The following RTTN variants were observed in gnomAD, a reference collection of about 807,000 sequenced individuals.
The protein encoded by RTTN is rotatin.
Under a neutral mutation model 269.2 loss-of-function variants are expected in RTTN, and 182 were observed. That is an observed-to-expected ratio of 0.68 (90% CI 0.60 to 0.76). RTTN has a LOEUF of 0.76. Ranked by LOEUF, RTTN falls within the 30% of genes least tolerant of loss-of-function variation. RTTN has a pLI of 0.00. For missense variants in RTTN, 2,545 were observed against 2,608.6 expected, an observed-to-expected ratio of 0.98 and a Z score of 0.53; for synonymous variants, 1,006 against 963.5, an observed-to-expected ratio of 1.04 and a Z score of -0.82.
intron 40 of RTTN, among the ~76,000 whole-genome samples, chr18:70,034,075 C>T (rs976882624): frequency 1.3e-5 from 2 of 152,068 alleles, no homozygotes; most frequent in African/African-American, 2.4e-5. Flanking sequence ...ATAGCCTGCA[C>T]ACCATAAAAG....
intron 46 of RTTN, 49 bp from the exon 47 acceptor site, chr18:70,006,533 T>G: frequency 2.9e-6 from 4 of 1,371,078 alleles, no homozygotes; most frequent in Non-Finnish European, 4.2e-6. Flanking sequence ...GACACTGCAT[T>G]GTATTCTTAT....
intron 34 of RTTN, among the ~76,000 whole-genome samples, chr18:70,067,777 C>G (rs117016973): frequency 0.012 from 1,889 of 152,270 alleles, 23 homozygotes; most frequent in South Asian, 0.039. Context: ...TTTGCGGTTT[C>G]AACGATCGGT....
intron 3 of RTTN, among the ~76,000 whole-genome samples, chr18:70,202,523 T>C (rs1160648887): frequency 6.6e-6 from 1 of 152,216 alleles, no homozygotes; most frequent in Non-Finnish European, 1.5e-5. Flanking sequence ...TTCCTAACAC[T>C]AATAAAGAAA....
At chr18:70,056,995 AT>A (rs539967500) in intron 37 of RTTN, among the ~76,000 whole-genome samples, 80 of 152,358 alleles carry the variant, frequency 5.3e-4, no homozygotes, top group African/African-American at 1.8e-3. Context: ...GGAGACAGTC[AT>A]TATGCAATAG....
chr18:70,131,542 T>C (rs985058154), intron 23 of RTTN: 2 of 151,696 alleles, frequency 1.3e-5, no homozygotes, highest in Non-Finnish European at 2.9e-5. Context: ...AGAAATAATG[T>C]ATATAGAAGA....
At chr18:70,171,430 AAATATT>A (rs1168341283) in intron 11 of RTTN, among the ~76,000 whole-genome samples, 13 of 152,212 alleles carry the variant, frequency 8.5e-5, no homozygotes, top group African/African-American at 3.1e-4. Context: ...AGCACTCAAT[AAATATT>A]AATTTCCTTT....
chr18:70,168,390 T>C (rs1392027919), intron 12 of RTTN, among the ~76,000 whole-genome samples: 2 of 152,198 alleles, frequency 1.3e-5, no homozygotes, highest in Non-Finnish European at 2.9e-5. Context: ...TAATACATTA[T>C]AAACAATGTA....
chr18:70,126,171 A>G (rs934956759), intron 25 of RTTN, among the ~76,000 whole-genome samples: 6 of 152,086 alleles, frequency 3.9e-5, no homozygotes, highest in African/African-American at 1.4e-4. Flanking sequence ...AATACTCTAA[A>G]GGCTTCCACT....
In RTTN at chr18:70,004,147, G is replaced by A. The variant is rs1322240444; in HGVS notation, c.*4C>T. 1 of 1,607,412 alleles carries A rather than the reference G, an allele frequency of 6.2e-7. No homozygotes were observed. Among genetic ancestry groups the A allele is most frequent in the Admixed American group, 1.7e-5 (1 of 59,996 alleles). ...CAGCTTCAAGGTGTAGCATCCCATGGCACTCAGGAAGAATTAAGGAGCTGC... is the reference window on the plus strand; with the variant it reads ...CAGCTTCAAGGTGTAGCATCCCATGACACTCAGGAAGAATTAAGGAGCTGC... On this transcript the variant is annotated 3_prime_UTR_variant, in exon 49 of 49. Coordinates refer to ENST00000640769, the MANE Select transcript of RTTN (RefSeq NM_173630.4).
In RTTN at chr18:70,205,148, G is replaced by A; in HGVS notation, c.199C>T (p.Leu67=). 6.2e-7 allele frequency: 1 copy of A among 1,614,166 alleles called. No homozygotes were observed. Among genetic ancestry groups the A allele is most frequent in the African/African-American group, 1.3e-5 (1 of 75,028 alleles). Residue 67 remains leucine, a synonymous_variant, in exon 2 of 49, where the codon CTG becomes TTG. Transcript: ENST00000640769. ...SVPMKEEVLN[L]LSRLVKYPPA... is the part of the protein sequence containing the mutation. The stretch of plus-strand genomic sequence containing the variant: ...CCTACCTTAACCAATCTGCTTAACA[G>A]GTTCAGAACCTCTTCCTTCATCGGA...
chr18:70,205,565 C>T (rs1012576778), intron 1 of RTTN, 63 bp downstream of exon 1: 2 of 1,604,122 alleles, frequency 1.2e-6, no homozygotes, highest in Non-Finnish European at 1.7e-6. Context: ...CGTGACACGA[C>T]CATTCTCAGC....
intron 19 of RTTN, among the ~76,000 whole-genome samples, chr18:70,141,512 C>T (rs562464997): frequency 6.6e-6 from 1 of 152,242 alleles, no homozygotes; most frequent in East Asian, 1.9e-4. Flanking sequence ...TCTCAGCAAA[C>T]TATCACAAAG....
chr18:70,054,306 T>G (rs2057756199), intron 37 of RTTN, 22 bp from the exon 38 acceptor site: 3 of 1,587,338 alleles, frequency 1.9e-6, no homozygotes, highest in African/African-American at 1.4e-5. Context: ...GGAGACAGGG[T>G]CAAATCAAAC....
intron 23 of RTTN, 50 bp from the exon 24 acceptor site, chr18:70,128,596 T>A (rs1337365214): frequency 1.3e-6 from 2 of 1,520,390 alleles, no homozygotes; most frequent in South Asian, 1.2e-5. Flanking sequence ...TCTTAAATGC[T>A]ACTCAAAAAG....
chr18:70,167,929 T>C (rs766286942), intron 12 of RTTN, among the ~76,000 whole-genome samples: 1 of 152,058 alleles, frequency 6.6e-6, no homozygotes, highest in Non-Finnish European at 1.5e-5. Context: ...GGAGGACAGC[T>C]TGACGCCAGG....
At chr18:70,077,828 G>T (rs35297854) in intron 32 of RTTN, among the ~76,000 whole-genome samples, 10,020 of 151,716 alleles carry the variant, frequency 0.066, 428 homozygotes, top group Non-Finnish European at 0.093. Context: ...TACCAAGATT[G>T]AAGAAGCTAA....
intron 14 of RTTN, 67 bp downstream of exon 14, chr18:70,165,995 G>A: frequency 1.3e-6 from 2 of 1,496,994 alleles, no homozygotes; most frequent in Non-Finnish European, 1.8e-6. Flanking sequence ...AATTAAGTTT[G>A]AAGGTATAAC....
chr18:70,054,211 A>G lies in RTTN; in HGVS notation c.5105T>C (p.Leu1702Pro). ...TTTCACAAGCTCATCCTGAATCACA[A>G]GGTCAGGCTCCACCAATAAACATGA... Reference protein sequence around the residue: ...LQSCLLVEPDLVIQDELVKPL... With the variant: ...LQSCLLVEPDPVIQDELVKPL... The change falls in exon 38 of 49, where the codon CTT (leucine) becomes CCT (proline). Residue 1702 changes from leucine to proline, a missense_variant. By Grantham distance (98) the Leu-to-Pro change is moderately conservative. Coordinates refer to ENST00000640769, the MANE Select transcript of RTTN (RefSeq NM_173630.4). The G allele has an allele frequency of 6.2e-7, 1 of 1,613,864 alleles. No homozygotes were observed. The highest frequency in any genetic ancestry group is 1.1e-5 in the South Asian group (1 of 91,078).
chr18:70,029,296 C>A, intron 42 of RTTN, among the ~76,000 whole-genome samples: 1 of 152,032 alleles, frequency 6.6e-6, no homozygotes, highest in East Asian at 1.9e-4. Context: ...GCTATAACGG[C>A]CTTACCTACA....
Sources: allele counts gnomAD v4.1 joint callset (sites outside exome capture counted in the v4.1 genomes callset), GRCh38; gene constraint gnomAD v4.1.1; transcripts MANE v1.5; gene names NCBI Gene and HGNC (gene_info 2026-07-23, HGNC 2026-07-21).